Variants in CNTN6 observed in about 807,000 individuals in gnomAD.
CNTN6 encodes the protein contactin-6.
Under a neutral mutation model 122.8 loss-of-function variants are expected in CNTN6, and 137 were observed. The ratio of observed to expected loss-of-function variants is 1.12; its 90% CI spans 0.97 to 1.29. CNTN6 has a LOEUF of 1.29. CNTN6 is among the 50% of genes most tolerant of loss of function. The pLI is 0.00. For synonymous variants in CNTN6, 570 were observed against 426.0 expected (o/e 1.34, Z -4.16); for missense variants, 1,634 against 1,223.4 (o/e 1.34, Z -5.01).
intron 4 of CNTN6, among the ~76,000 whole-genome samples, chr3:1,255,599 A>G (rs2125686452): frequency 6.6e-6 from 1 of 152,174 alleles, no homozygotes. Flanking sequence ...ATTTTAAGAA[A>G]TGTATTATTT....
intron 3 of CNTN6, among the ~76,000 whole-genome samples, chr3:1,227,363 C>T (rs1409931935): frequency 1.3e-5 from 2 of 152,158 alleles, no homozygotes; most frequent in Non-Finnish European, 2.9e-5. Flanking sequence ...TTGTTATCAG[C>T]CCTGAATTGG....
chr3:1,334,062 TA>T (rs1702701835), intron 11 of CNTN6, among the ~76,000 whole-genome samples: 1 of 152,150 alleles, frequency 6.6e-6, no homozygotes, highest in East Asian at 1.9e-4. Context: ...GTTCTGTTCC[TA>T]AAGCAAGGAT....
At chr3:1,395,592 G>C (rs188494152) in intron 20 of CNTN6, among the ~76,000 whole-genome samples, 1 of 151,904 alleles carries the variant, frequency 6.6e-6, no homozygotes, top group Non-Finnish European at 1.5e-5. Context: ...TCCCTTGTAC[G>C]GACCCTCCTG....
intron 5 of CNTN6, among the ~76,000 whole-genome samples, chr3:1,285,286 C>T (rs1362147521): frequency 6.6e-6 from 1 of 152,066 alleles, no homozygotes; most frequent in African/African-American, 2.4e-5. Context: ...GGATTTGGGA[C>T]CGAGCAACTG....
intron 5 of CNTN6, among the ~76,000 whole-genome samples, chr3:1,284,858 G>A (rs140848346): frequency 3.3e-5 from 5 of 152,300 alleles, no homozygotes; most frequent in East Asian, 3.9e-4. Context: ...GGGAAACCAC[G>A]TCTAGCATGT....
chr3:1,103,635 A>G (rs750111724), intron 1 of CNTN6, among the ~76,000 whole-genome samples: 12 of 152,236 alleles, frequency 7.9e-5, no homozygotes, highest in Non-Finnish European at 1.6e-4. Flanking sequence ...TCTATTCGTT[A>G]TGCGTAGTTC....
chr3:1,214,157 G>A (rs903687800), intron 2 of CNTN6, among the ~76,000 whole-genome samples: 2 of 151,962 alleles, frequency 1.3e-5, no homozygotes. Flanking sequence ...TCATTCTCAA[G>A]ATCTGCATAT....
intron 1 of CNTN6, among the ~76,000 whole-genome samples, chr3:1,127,855 A>G (rs941705867): frequency 6.6e-6 from 1 of 151,980 alleles, no homozygotes; most frequent in East Asian, 1.9e-4. Flanking sequence ...CAGCTTTTCA[A>G]TTTTGTGTGT....
chr3:1,333,644 A>T (rs1230493768), intron 11 of CNTN6, among the ~76,000 whole-genome samples: 1 of 152,102 alleles, frequency 6.6e-6, no homozygotes, highest in South Asian at 2.1e-4. Flanking sequence ...CATTGTCACT[A>T]ACTCTTGCAG....
intron 1 of CNTN6, among the ~76,000 whole-genome samples, chr3:1,115,664 A>G (rs543855543): frequency 3.1e-4 from 47 of 152,322 alleles, no homozygotes; most frequent in African/African-American, 1.1e-3. Context: ...AGGCAGGAGA[A>G]TTGCTTGAAC....
At chr3:1,401,070 C>T (rs565239392) in intron 20 of CNTN6, among the ~76,000 whole-genome samples, 1 of 152,106 alleles carries the variant, frequency 6.6e-6, no homozygotes, top group South Asian at 2.1e-4. Flanking sequence ...ATGTTTGCAA[C>T]TTGAATTTGC....
rs968715301 is a variant in CNTN6 at position 1,352,443 on chromosome 3, T to A, written c.1484T>A (p.Ile495Asn). 3 of 1,609,606 alleles carry A rather than the reference T, an allele frequency of 1.9e-6. No individual in the cohort carries two copies. The highest frequency in any genetic ancestry group is 3.4e-5 in the Admixed American group (2 of 59,652). Reference protein sequence around the residue: ...FGTAKNTGSLIVKERTVITVP... With the variant: ...FGTAKNTGSLNVKERTVITVP... ...ACTGCAAAGAACACTGGCAGCCTCA[T>A]TGTAAAAGGTATCATATTATCTTCA... The change falls in exon 12 of 23, where the codon ATT becomes AAT. Residue 495 changes from isoleucine to asparagine, a missense_variant. Physicochemically the swap from Ile to Asn is moderately radical, Grantham distance 149. Transcript: ENST00000446702.
Position 1,317,963 on chromosome 3 carries a change from C to A in CNTN6, c.762-3687C>A, listed in dbSNP as rs957507153. On this transcript the variant is annotated intron_variant, in intron 7 of 22. Transcript: ENST00000446702. ...GGACATTAATTCTTGTAACCATCTT[C>A]AAAATGGAACAATATAACTTTTAAA... Among the ~76,000 whole-genome samples, 4 of 150,492 alleles carry A rather than the reference C, an allele frequency of 2.7e-5. No individual in the cohort carries two copies. The Admixed American group carries it at 2.7e-4, about 10-fold the overall frequency.
chr3:1,376,239 C>T (rs1264463476), intron 16 of CNTN6, among the ~76,000 whole-genome samples: 1 of 152,130 alleles, frequency 6.6e-6, no homozygotes, highest in Non-Finnish European at 1.5e-5. Context: ...ACCATATACA[C>T]ACTCAGCATT....
intron 11 of CNTN6, among the ~76,000 whole-genome samples, chr3:1,345,616 T>C (rs1704571866): frequency 6.6e-6 from 1 of 152,174 alleles, no homozygotes; most frequent in East Asian, 1.9e-4. Context: ...ACTATAATAA[T>C]TGGGTGCAAA....
chr3:1,117,109 G>A (rs574165486), intron 1 of CNTN6, among the ~76,000 whole-genome samples: 2 of 152,246 alleles, frequency 1.3e-5, no homozygotes, highest in African/African-American at 4.8e-5. Context: ...AAATAGAGTG[G>A]ATGCTTACAG....
intron 10 of CNTN6, among the ~76,000 whole-genome samples, chr3:1,329,398 A>G (rs1701983988): frequency 6.6e-6 from 1 of 151,636 alleles, no homozygotes; most frequent in African/African-American, 2.4e-5. Flanking sequence ...TGTAAATGCT[A>G]TTAGAAAAGT....
chr3:1,300,479 GGAAGGAAGGAAGGA>G (rs1559753998), intron 7 of CNTN6, among the ~76,000 whole-genome samples: 4,289 of 103,014 alleles, frequency 0.042, 309 homozygotes, highest in African/African-American at 0.16. Flanking sequence ...AAGGAAGGAA[GGAAGGAAGGAAGGA>G]AAAAGAAAAG....
At chr3:1,206,068 A>G (rs915495875) in intron 2 of CNTN6, among the ~76,000 whole-genome samples, 5 of 152,152 alleles carry the variant, frequency 3.3e-5, no homozygotes, top group African/African-American at 1.2e-4. Flanking sequence ...TTAATCTTAT[A>G]ATCTGCAATC....
Sources: allele counts gnomAD v4.1 joint callset (sites outside exome capture counted in the v4.1 genomes callset), GRCh38; gene constraint gnomAD v4.1.1; transcripts MANE v1.5; gene names NCBI Gene and HGNC (gene_info 2026-07-23, HGNC 2026-07-21).